Variants in ISL2 observed in about 807,000 individuals in gnomAD.
The protein encoded by ISL2 is insulin gene enhancer protein ISL-2.
ISL2 carries 17 observed loss-of-function variants against 34.6 expected under a neutral mutation model. The observed-to-expected ratio is 0.49, with a 90% CI of 0.34 to 0.74. ISL2 has a LOEUF of 0.74. Ranked by LOEUF, ISL2 falls within the 30% of genes least tolerant of loss-of-function variation. ISL2 has a pLI of 0.01. For missense variants in ISL2, 469 were observed against 515.2 expected (o/e 0.91, Z 0.87); for synonymous variants, 232 against 225.5 (o/e 1.03, Z -0.26).
At chr15:76,339,448 GAGCAAGCGGGTATTC>G in intron 3 of ISL2, 1 of 985,464 alleles carries the variant, frequency 1.0e-6, no homozygotes, top group Non-Finnish European at 1.2e-6. Flanking sequence ...TGTGAAATGG[GAGCAAGCGGGTATTC>G]AGTGCACCCC....
At chr15:76,337,649 T>C in intron 1 of ISL2, 129 bp from the exon 2 acceptor site, 1 of 794,064 alleles carries the variant, frequency 1.3e-6, no homozygotes, top group Non-Finnish European at 1.9e-6. Context: ...CTCATCATCT[T>C]TCCTTATGGT....
intron 3 of ISL2, 66 bp from the exon 4 acceptor site, chr15:76,340,210 A>C: frequency 7.7e-6 from 9 of 1,162,720 alleles, no homozygotes; most frequent in Non-Finnish European, 1.1e-5. Context: ...GGCCACCCGG[A>C]GGTTGGGCTC....
In ISL2 at chr15:76,340,536, C is replaced by T; in HGVS notation, c.772C>T (p.Gln258Ter). 6.2e-7 allele frequency: 1 copy of T among 1,610,238 alleles called. No homozygotes were observed. Residue 258 changes from glutamine to a stop codon, truncating the protein, a stop_gained, in exon 4 of 6, where the codon CAG becomes TAG. Coordinates refer to ENST00000290759, the MANE Select transcript of ISL2 (RefSeq NM_145805.3). LOFTEE classifies it high-confidence loss of function. ...ATCCATTCTCATGAAGCAGCTGCAG[C>T]AGCAGCAGCACAGCGACAAGACGGT... ...KKSILMKQLQQQQHSDKTSLQ... is the reference protein window; with the variant it reads ...KKSILMKQLQ
intron 5 of ISL2, 125 bp from the exon 6 acceptor site, chr15:76,341,594 G>A: frequency 4.0e-6 from 3 of 751,740 alleles, no homozygotes; most frequent in South Asian, 1.6e-5. Flanking sequence ...CTCCTTCTCC[G>A]CAGGGCTTGC....
chr15:76,340,400 C>CA lies in ISL2; in HGVS notation c.638dup (p.Asn213LysfsTer72). The CA allele has an allele frequency of 1.2e-6, 2 of 1,613,686 alleles. No homozygotes were observed. Among genetic ancestry groups the CA allele is most frequent in the Non-Finnish European group, 1.7e-6 (2 of 1,179,984 alleles). Reference sequence around the variant, plus strand: ...ACACTCTGCGGACCTGCTACGCCGCCAACCCGCGGCCCGACGCTCTCATGA... The same window carrying CA: ...ACACTCTGCGGACCTGCTACGCCGCCAAACCCGCGGCCCGACGCTCTCATGA... On this transcript the variant is annotated frameshift_variant, in exon 4 of 6. Transcript: ENST00000290759. LOFTEE classifies it high-confidence loss of function.
chr15:76,338,762 T>A (rs918864188), intron 3 of ISL2: 22 of 985,336 alleles, frequency 2.2e-5, no homozygotes, highest in South Asian at 4.7e-5. Flanking sequence ...GTGTTCTCCA[T>A]GACCAGGAAC....
intron 3 of ISL2, chr15:76,338,880 T>C (rs529721352): frequency 2.0e-6 from 2 of 985,342 alleles, no homozygotes; most frequent in East Asian, 1.1e-4. Context: ...TATGTGTTAT[T>C]GTCAGAGGGT....
At position 76,338,513 on chromosome 15, in the gene ISL2, C is replaced by G; in HGVS notation, c.510C>G (p.Pro170=). Residue 170 remains proline, a splice_region_variant and synonymous_variant, in exon 3 of 6, where the codon CCC becomes CCG. Coordinates refer to ENST00000290759, the MANE Select transcript of ISL2 (RefSeq NM_145805.3). ...PLPGARGLHL[P]DAGSGRQPAL... is the part of the protein sequence containing the mutation. ...CCGGCGCCCGCGGCCTGCATCTGCCCGGTAAGCGCGCCGGGGCCTGTGCCG... is the reference window on the plus strand; with the variant it reads ...CCGGCGCCCGCGGCCTGCATCTGCCGGGTAAGCGCGCCGGGGCCTGTGCCG... The G allele has an allele frequency of 7.7e-7, 1 of 1,305,088 alleles. No homozygotes were observed. The highest frequency in any genetic ancestry group is 2.9e-5 in the South Asian group (1 of 35,048). The allele number at this position is 1,305,088 out of a possible 1,614,324, so 80.8% of individuals were successfully genotyped here. A position where few individuals can be genotyped will look rare whatever the true frequency, so the allele number is the denominator to read the frequency against.
Position 76,341,176 on chromosome 15 carries a change from C to A in ISL2, c.838C>A (p.Pro280Thr). 6.2e-7 allele frequency: 1 copy of A among 1,612,460 alleles called. No homozygotes were observed. Among genetic ancestry groups the A allele is most frequent in the Non-Finnish European group, 8.5e-7 (1 of 1,179,820 alleles). Residue 280 changes from proline to threonine, a missense_variant, in exon 5 of 6, where the codon CCC becomes ACC. Pro to Thr is a conservative substitution (Grantham distance 38). Coordinates refer to ENST00000290759, the MANE Select transcript of ISL2 (RefSeq NM_145805.3). ...TGGGACGCCCCTGGTGGCGGGCAGT[C>A]CCATCCGCCATGAGAACGCCGTGCA... ...LTGTPLVAGSPIRHENAVQGS... is the reference protein window; with the variant it reads ...LTGTPLVAGSTIRHENAVQGS...
intron 2 of ISL2, 75 bp downstream of exon 2, chr15:76,338,042 C>A: frequency 7.6e-7 from 1 of 1,324,044 alleles, no homozygotes. Context: ...GCGGCCTGCC[C>A]GCGCGCCCCG....
Position 76,341,234 on chromosome 15 carries a change from C to T in ISL2, c.896C>T (p.Pro299Leu), listed in dbSNP as rs140931798. 250 of 1,611,832 alleles carry T rather than the reference C, an allele frequency of 1.6e-4. No homozygotes were observed. The Middle Eastern group carries it at 4.9e-3, about 31-fold the overall frequency. ...GSAVEVQTYQ[P>L]PWKALSEFAL... ...GCAGTGGAGGTGCAGACGTACCAGC[C>T]GCCGTGGAAGGCGCTCAGCGAGTTT... Residue 299 changes from proline (P) to leucine (L), a missense_variant, in exon 5 of 6, where the codon CCG (proline) becomes CTG (leucine). Pro to Leu is a moderately conservative substitution (Grantham distance 98). Transcript: ENST00000290759.
At position 76,341,152 on chromosome 15, in the gene ISL2, G is replaced by C; in HGVS notation, c.814G>C (p.Gly272Arg). The C allele has an allele frequency of 6.2e-7, 1 of 1,609,186 alleles. No individual in the cohort carries two copies. The highest frequency in any genetic ancestry group is 8.5e-7 in the Non-Finnish European group (1 of 1,178,050). The stretch of plus-strand genomic sequence containing the variant: ...CCCGCAGAGCCTTCAGGGACTGACT[G>C]GGACGCCCCTGGTGGCGGGCAGTCC... ...SDKTSLQGLT[G>R]TPLVAGSPIR... Residue 272 changes from glycine to arginine, a missense_variant, in exon 5 of 6, where the codon GGG (glycine) becomes CGG (arginine). Gly to Arg is a moderately radical substitution (Grantham distance 125, BLOSUM62 -2). Around this residue, in one of 3 missense-constraint regions of ISL2, gnomAD observed 169 missense variants for 154.2 expected, o/e 1.10. Coordinates refer to ENST00000290759, the MANE Select transcript of ISL2 (RefSeq NM_145805.3).
chr15:76,337,735 C>G, intron 1 of ISL2, 43 bp from the exon 2 acceptor site: 1 of 1,498,908 alleles, frequency 6.7e-7, no homozygotes, highest in South Asian at 1.3e-5. Context: ...GGCCTGGGTC[C>G]GGGCAGTCAG....
At position 76,340,455 on chromosome 15, in the gene ISL2, A is replaced by G; in HGVS notation, c.691A>G (p.Ser231Gly). The G allele has an allele frequency of 6.2e-7, 1 of 1,613,814 alleles. No homozygotes were observed. Among genetic ancestry groups the G allele is most frequent in the Non-Finnish European group, 8.5e-7 (1 of 1,180,004 alleles). ...GCAGCTGGTGGAGATGACCGGCCTG[A>G]GCCCGCGGGTCATCCGCGTCTGGTT... is the stretch of plus-strand genomic sequence containing the variant. ...KEQLVEMTGL[S>G]PRVIRVWFQN... is the part of the protein sequence containing the mutation. Residue 231 changes from serine to glycine, a missense_variant, in exon 4 of 6, where the codon AGC becomes GGC. Physicochemically the swap from Ser to Gly is moderately conservative, Grantham distance 56. Transcript: ENST00000290759.
chr15:76,338,407 A>T lies in ISL2; in HGVS notation c.404A>T (p.His135Leu), dbSNP rs1486072111. Residue 135 changes from histidine (H) to leucine (L), a missense_variant, in exon 3 of 6, where the codon CAC becomes CTC. Physicochemically the swap from His to Leu is moderately conservative, Grantham distance 99 (BLOSUM62 -3). This residue lies in a region of ISL2 where 297 missense variants were observed against 337.8 expected (regional missense o/e 0.88). Coordinates refer to ENST00000290759, the MANE Select transcript of ISL2 (RefSeq NM_145805.3). ...LPGDEFSLRE[H>L]ELLCRADHGL... is the part of the protein sequence containing the mutation. ...GGGGACGAGTTCTCGCTGCGGGAGC[A>T]CGAGCTGCTCTGCCGCGCCGACCAC... 5 of 1,526,804 alleles carry T rather than the reference A, an allele frequency of 3.3e-6. No homozygotes were observed. The highest frequency in any genetic ancestry group is 4.4e-6 in the Non-Finnish European group (5 of 1,146,758). The allele number at this position is 1,526,804 out of a possible 1,614,324, so 94.6% of individuals were successfully genotyped here. A position where few individuals can be genotyped will look rare whatever the true frequency, so the allele number is the denominator to read the frequency against.
intron 3 of ISL2, chr15:76,338,816 G>C (rs79170365): frequency 1.5e-5 from 15 of 985,230 alleles, no homozygotes; most frequent in Non-Finnish European, 1.8e-5. Flanking sequence ...ATGACAACAG[G>C]GAATCTTAAG....
Position 76,338,477 on chromosome 15 carries a change from C to T in ISL2, c.474C>T (p.Pro158=). The T allele has an allele frequency of 7.6e-7, 1 of 1,319,126 alleles. No individual in the cohort carries two copies. The highest frequency in any genetic ancestry group is 1.5e-5 in the African/African-American group (1 of 65,886). 81.7% of individuals were successfully genotyped at this position (1,319,126 alleles called of 1,614,324 possible). ...CCGCGGCCGGCAGCCCGCGCAGCCC[C>T]GGCCCGCTTCCCGGCGCCCGCGGCC... ...ERAAAGSPRS[P]GPLPGARGLH... Residue 158 remains proline, a synonymous_variant, in exon 3 of 6, where the codon CCC becomes CCT. Coordinates refer to ENST00000290759, the MANE Select transcript of ISL2 (RefSeq NM_145805.3).
At chr15:76,337,697 T>C (rs2040161332) in intron 1 of ISL2, 81 bp from the exon 2 acceptor site, 9 of 1,237,152 alleles carry the variant, frequency 7.3e-6, no homozygotes, top group African/African-American at 1.5e-5. Context: ...AGCGAGCGGG[T>C]TGGGTTGGGG....
At chr15:76,337,597 G>A in intron 1 of ISL2, 181 bp from the exon 2 acceptor site, 1 of 513,738 alleles carries the variant, frequency 1.9e-6, no homozygotes, top group South Asian at 3.0e-5. Context: ...CAATCCACAA[G>A]ATACTGGTTT....
Sources: gnomAD v4.1 joint callset for allele counts on GRCh38, gnomAD v4.1.1 for gene constraint, gnomAD v4.1.1 regional missense constraint, MANE v1.5 for transcripts, NCBI Gene and HGNC (gene_info 2026-07-23, HGNC 2026-07-21) for gene names.